The following VCAN variants were observed in gnomAD, a reference collection of about 807,000 sequenced individuals.
The protein encoded by VCAN is versican.
In VCAN, 44 loss-of-function variants were observed where a neutral mutation model predicts 245.5. That is an observed-to-expected ratio of 0.18 (90% CI 0.14 to 0.23). The LOEUF (loss-of-function observed/expected upper bound fraction) is 0.23, where lower values mean the gene tolerates loss of function less well. VCAN is among the 10% of genes least tolerant of loss of function. The pLI is 1.00. For missense variants in VCAN, 3,793 were observed against 4,057.9 expected, an observed-to-expected ratio of 0.93 and a Z score of 1.77; for synonymous variants, 1,413 against 1,437.0, an observed-to-expected ratio of 0.98 and a Z score of 0.38.
chr5:83,483,980 G>A (rs1004130927), intron 2 of VCAN, among the ~76,000 whole-genome samples: 1 of 152,156 alleles, frequency 6.6e-6, no homozygotes, highest in African/African-American at 2.4e-5. Context: ...TAAAGAGAAA[G>A]CTGACAGCCA....
chr5:83,548,507 T>C (rs893350426), intron 10 of VCAN, among the ~76,000 whole-genome samples: 8 of 152,220 alleles, frequency 5.3e-5, no homozygotes, highest in Non-Finnish European at 8.8e-5. Flanking sequence ...GTTGTTAGAA[T>C]ACATTTGCTT....
chr5:83,564,316 T>C (rs1311006094), intron 12 of VCAN, among the ~76,000 whole-genome samples: 1 of 152,168 alleles, frequency 6.6e-6, no homozygotes, highest in Non-Finnish European at 1.5e-5. Context: ...TATCACCACC[T>C]AGTGGTCGTA....
intron 2 of VCAN, among the ~76,000 whole-genome samples, chr5:83,486,366 T>C (rs1443332217): frequency 1.3e-5 from 2 of 152,166 alleles, no homozygotes; most frequent in Non-Finnish European, 2.9e-5. Flanking sequence ...AATAAATAAA[T>C]GCCACAGTGG....
intron 5 of VCAN, among the ~76,000 whole-genome samples, chr5:83,500,134 T>C (rs1745285791): frequency 6.6e-6 from 1 of 152,204 alleles, no homozygotes; most frequent in South Asian, 2.1e-4. Context: ...TAAGAATTAG[T>C]GATTTGCGTC....
At chr5:83,544,772 T>C (rs1381844607) in intron 8 of VCAN, among the ~76,000 whole-genome samples, 1 of 152,180 alleles carries the variant, frequency 6.6e-6, no homozygotes, top group Admixed American at 6.5e-5. Context: ...AGAAAATATA[T>C]TTAAACTGTT....
In VCAN at chr5:83,516,415, T is replaced by C. The variant is rs75922974; in HGVS notation, c.1043-2934T>C. Among the ~76,000 whole-genome samples, 188 of 152,368 alleles carry C rather than the reference T, an allele frequency of 1.2e-3. 2 individuals carry two copies. The East Asian group carries it at 0.032, about 26-fold the overall frequency. ...AGAAGAACCAAGTTAAAATTAGTCA[T>C]TTCTCAATAATGTAGAGAGCATGGG... On this transcript the variant is annotated intron_variant, in intron 6 of 14. Transcript: ENST00000265077.
intron 12 of VCAN, among the ~76,000 whole-genome samples, chr5:83,557,945 A>C (rs1747734663): frequency 6.6e-6 from 1 of 151,864 alleles, no homozygotes; most frequent in Non-Finnish European, 1.5e-5. Flanking sequence ...TCCAGAAAAA[A>C]CTCTGACAGA....
chr5:83,524,898 A>C (rs79798234), intron 7 of VCAN, among the ~76,000 whole-genome samples: 1 of 152,112 alleles, frequency 6.6e-6, no homozygotes, highest in African/African-American at 2.4e-5. Flanking sequence ...TCCTTGGTGC[A>C]TGTGTGAACT....
intron 5 of VCAN, among the ~76,000 whole-genome samples, chr5:83,503,226 T>G (rs1239236490): frequency 6.6e-6 from 1 of 150,500 alleles, no homozygotes; most frequent in South Asian, 2.1e-4. Flanking sequence ...GAGAGAGAGA[T>G]AGAGAGAGAG....
chr5:83,553,298 T>C, intron 10 of VCAN, 66 bp from the exon 11 acceptor site: 2 of 1,603,290 alleles, frequency 1.2e-6, no homozygotes, highest in Non-Finnish European at 1.7e-6. Context: ...TACTAACACT[T>C]GGTTGGGGGT....
chr5:83,581,122 T>C lies in VCAN; in HGVS notation c.*688T>C, dbSNP rs1192849590. 2.0e-5 allele frequency: 3 copies of C among 153,486 alleles called. No homozygotes were observed. Among genetic ancestry groups the C allele is most frequent in the Admixed American group, 6.5e-5 (1 of 15,408 alleles). 9.5% of individuals were successfully genotyped at this position (153,486 alleles called of 1,614,324 possible). A position where few individuals can be genotyped will look rare whatever the true frequency, so the allele number is the denominator to read the frequency against. The stretch of plus-strand genomic sequence containing the variant: ...CTTTGCTGCATTCCTTTTTCTTCAC[T>C]TACAAGAAAGGCCTGAATGGAGGAC... On this transcript the variant is annotated 3_prime_UTR_variant, in exon 15 of 15. Coordinates refer to ENST00000265077, the MANE Select transcript of VCAN (RefSeq NM_004385.5).
At chr5:83,556,169 C>T (rs1030927231) in intron 12 of VCAN, among the ~76,000 whole-genome samples, 8 of 152,176 alleles carry the variant, frequency 5.3e-5, no homozygotes, top group African/African-American at 1.9e-4. Flanking sequence ...TTATTCCCCA[C>T]AATAACTTTT....
rs886060827 is a variant in VCAN at position 83,541,067 on chromosome 5, C to T, written c.8064C>T (p.Pro2688=). 2 of 1,613,964 alleles carry T rather than the reference C, an allele frequency of 1.2e-6. No individual in the cohort carries two copies. The highest frequency in any genetic ancestry group is 2.2e-5 in the South Asian group (2 of 91,076). The change falls in exon 8 of 15, where the codon CCC becomes CCT. Residue 2688 remains proline (P), a synonymous_variant. Transcript: ENST00000265077. Reference sequence around the variant, plus strand: ...AAACAGAATTAGACGTTTTACTTCCCACGGCAACATCCCTGCCAATTCCTC... The same window carrying T: ...AAACAGAATTAGACGTTTTACTTCCTACGGCAACATCCCTGCCAATTCCTC... ...STETELDVLL[P]TATSLPIPRK...
intron 6 of VCAN, among the ~76,000 whole-genome samples, chr5:83,514,275 A>G (rs1745766888): frequency 7.8e-6 from 1 of 127,390 alleles, no homozygotes; most frequent in Non-Finnish European, 1.8e-5. Context: ...ATTCTTATTT[A>G]TTTCCTACTT....
chr5:83,525,538 C>G (rs1040285820), intron 7 of VCAN, among the ~76,000 whole-genome samples: 3 of 151,918 alleles, frequency 2.0e-5, no homozygotes, highest in Non-Finnish European at 4.4e-5. Context: ...TATTAAATAC[C>G]AACATTATTA....
In VCAN at chr5:83,492,115, C is replaced by T. The variant is rs569434037; in HGVS notation, c.446-1431C>T. Among the ~76,000 whole-genome samples the T allele has an allele frequency of 2.0e-4, 30 of 152,090 alleles. 1 individual carries two copies. In the South Asian group the frequency reaches 5.2e-3, roughly 26 times the overall value. The stretch of plus-strand genomic sequence containing the variant: ...GTTGTCATTGCATCTACTTAGTGCC[C>T]GTGCAGGTCTTTTTGCGTTGGCACT... On this transcript the variant is annotated intron_variant, in intron 3 of 14. Transcript: ENST00000265077.
chr5:83,529,027 T>C (rs868039242), intron 7 of VCAN, among the ~76,000 whole-genome samples: 777 of 73,824 alleles, frequency 0.011, 5 homozygotes, highest in Middle Eastern at 0.089. Context: ...CACACACACA[T>C]ATATGTATAC....
intron 5 of VCAN, among the ~76,000 whole-genome samples, 200 bp from the exon 6 acceptor site, chr5:83,511,903 T>C (rs1467567165): frequency 1.3e-5 from 2 of 152,230 alleles, no homozygotes; most frequent in Middle Eastern, 3.2e-3. Context: ...TTCTCGGGTA[T>C]GTGTTATTTA....
Position 83,539,243 on chromosome 5 carries a change from C to T in VCAN, c.6240C>T (p.Val2080=). The change falls in exon 8 of 15, where the codon GTC becomes GTT. Residue 2080 remains valine, a synonymous_variant. Transcript: ENST00000265077. ...CAGTAGAGAAGGAGGAAGTAAAGGT[C>T]AGTGGCACAGTTTCAACAAACTTTC... ...KAPVEKEEVK[V]SGTVSTNFPQ... 6.2e-7 allele frequency: 1 copy of T among 1,614,032 alleles called. No individual in the cohort carries two copies.
Sources: allele counts gnomAD v4.1 joint callset (sites outside exome capture counted in the v4.1 genomes callset), GRCh38; gene constraint gnomAD v4.1.1; transcripts MANE v1.5; gene names NCBI Gene and HGNC (gene_info 2026-07-23, HGNC 2026-07-21).